Variants in SZRD1 observed in about 807,000 individuals in gnomAD.
The protein encoded by SZRD1 is SUZ RNA binding domain containing 1, also known as SUZ RNA-binding domain-containing.
SZRD1 carries 7 observed loss-of-function variants against 17.6 expected under a neutral mutation model. The observed-to-expected ratio is 0.40, with a 90% CI of 0.23 to 0.75. The LOEUF (loss-of-function observed/expected upper bound fraction) is 0.75, where lower values mean the gene tolerates loss of function less well. Ranked by LOEUF, SZRD1 falls within the 30% of genes least tolerant of loss-of-function variation. SZRD1 has a pLI of 0.38. For missense variants in SZRD1, 178 were observed against 201.8 expected, an observed-to-expected ratio of 0.88 and a Z score of 0.71; for synonymous variants, 77 against 77.9, an observed-to-expected ratio of 0.99 and a Z score of 0.06.
At chr1:16,369,302 G>A in intron 1 of SZRD1, 1 of 679,242 alleles carries the variant, frequency 1.5e-6, no homozygotes. Context: ...TTGGAGAAAG[G>A]CACCTCGGAT....
chr1:16,368,526 G>A (rs1273608937), intron 1 of SZRD1, among the ~76,000 whole-genome samples: 1 of 152,158 alleles, frequency 6.6e-6, no homozygotes, highest in Non-Finnish European at 1.5e-5. Context: ...GAATTTGAAG[G>A]ATTCGTTCGT....
chr1:16,374,401 C>G (rs2082964498), intron 1 of SZRD1, among the ~76,000 whole-genome samples: 1 of 152,188 alleles, frequency 6.6e-6, no homozygotes, highest in South Asian at 2.1e-4. Flanking sequence ...ATGAGCTTTT[C>G]ACTAGTAACT....
chr1:16,390,225 G>C (rs560956086), intron 1 of SZRD1, among the ~76,000 whole-genome samples: 1 of 152,224 alleles, frequency 6.6e-6, no homozygotes, highest in Non-Finnish European at 1.5e-5. Flanking sequence ...AGCAGCCTGG[G>C]GGTTTGGTCT....
chr1:16,374,994 C>T (rs960800377), intron 1 of SZRD1, among the ~76,000 whole-genome samples: 4 of 151,958 alleles, frequency 2.6e-5, no homozygotes, highest in Non-Finnish European at 5.9e-5. Context: ...TCTCCTGCCT[C>T]AGCCTCCCAA....
intron 1 of SZRD1, among the ~76,000 whole-genome samples, chr1:16,381,542 G>GCA: frequency 6.9e-6 from 1 of 144,084 alleles, no homozygotes; most frequent in Admixed American, 7.0e-5. Flanking sequence ...GGGCGACAGC[G>GCA]AGACTTCATC....
In SZRD1 at chr1:16,391,410, C is replaced by G; in HGVS notation, c.87C>G (p.Ile29Met). 7 of 1,549,100 alleles carry G rather than the reference C, an allele frequency of 4.5e-6. No individual in the cohort carries two copies. The highest frequency in any genetic ancestry group is 6.1e-6 in the Non-Finnish European group (7 of 1,146,476). ...IDRRLEKKLK[I>M]TQKESRKSKS... is the part of the protein sequence containing the mutation. ...GACGGTTGGAAAAAAAACTGAAGAT[C>G]ACACAAAAAGAGAGGTAAGGCTGCT... The change falls in exon 2 of 4, where the codon ATC (isoleucine) becomes ATG (methionine). Residue 29 changes from isoleucine (I) to methionine (M), a missense_variant. Around this residue, in one of 3 missense-constraint regions of SZRD1, gnomAD observed 117 missense variants for 108.7 expected, o/e 1.08. Coordinates refer to ENST00000401088, the MANE Select transcript of SZRD1 (RefSeq NM_001114600.3). This position sits in a 1 kb window ranked among gnomAD's most constrained non-coding sequence, Gnocchi z 4.3.
chr1:16,388,678 CTTTT>C (rs950662267), intron 1 of SZRD1, among the ~76,000 whole-genome samples: 2 of 92,162 alleles, frequency 2.2e-5, no homozygotes, highest in African/African-American at 4.4e-5. Flanking sequence ...AAGAATAAGT[CTTTT>C]TTTTTTTTTT....
rs2085333805 is a variant in SZRD1 at position 16,397,608 on chromosome 1, T to C, written c.*2468T>C. ...TTCCCCCAGCTCCTCCCTGACCCCA[T>C]GGGCCAGGCCTCAGACCTTCCAGCT... On this transcript the variant is annotated 3_prime_UTR_variant, in exon 4 of 4. Transcript: ENST00000401088. The surrounding 1 kb of genome is among the most constrained non-coding windows in gnomAD (Gnocchi z 5.4). 1.3e-5 allele frequency: 2 copies of C among 152,412 alleles called. No homozygotes were observed. The highest frequency in any genetic ancestry group is 1.3e-4 in the Admixed American group (2 of 15,280). The allele number at this position is 152,412 out of a possible 1,614,324, so 9.4% of individuals were successfully genotyped here.
intron 1 of SZRD1, among the ~76,000 whole-genome samples, chr1:16,383,474 C>T (rs1479523906): frequency 6.6e-6 from 1 of 151,978 alleles, no homozygotes; most frequent in Non-Finnish European, 1.5e-5. Flanking sequence ...CCTCTTTCAG[C>T]CTCCCAAAGT....
chr1:16,394,895 C>T, intron 3 of SZRD1, 143 bp from the exon 4 acceptor site: 1 of 607,452 alleles, frequency 1.6e-6, no homozygotes, highest in South Asian at 2.1e-5. Context: ...GTGGGGGTTG[C>T]AGTGAGCGGA....
At chr1:16,389,277 G>T (rs868477277) in intron 1 of SZRD1, among the ~76,000 whole-genome samples, 19 of 112,248 alleles carry the variant, frequency 1.7e-4, no homozygotes, top group Non-Finnish European at 3.0e-4. Flanking sequence ...GAGGGGGGGT[G>T]GGGGGGGGGC....
chr1:16,370,438 G>A (rs1410237089), intron 1 of SZRD1, among the ~76,000 whole-genome samples: 1 of 151,608 alleles, frequency 6.6e-6, no homozygotes, highest in Admixed American at 6.6e-5. Flanking sequence ...TGTTGGCCAC[G>A]CTGATCTCGA....
Position 16,395,388 on chromosome 1 carries a change from A to T in SZRD1, c.*248A>T. 1.1e-5 allele frequency: 5 copies of T among 467,220 alleles called. No homozygotes were observed. The highest frequency in any genetic ancestry group is 4.1e-5 in the East Asian group (1 of 24,394). The allele number at this position is 467,220 out of a possible 1,614,324, so 28.9% of individuals were successfully genotyped here. A position where few individuals can be genotyped will look rare whatever the true frequency, so the allele number is the denominator to read the frequency against. On this transcript the variant is annotated 3_prime_UTR_variant, in exon 4 of 4. Transcript: ENST00000401088. ...CTGTCCCAAGTCAATGGAAAGGGAA[A>T]GGGTGGGGGTTAGGGGAAGGTTGGG...
chr1:16,380,333 C>G (rs2083078299), intron 1 of SZRD1, among the ~76,000 whole-genome samples: 1 of 151,250 alleles, frequency 6.6e-6, no homozygotes, highest in Non-Finnish European at 1.5e-5. Flanking sequence ...GAGCTGGAGT[C>G]TCACCCTGTC....
chr1:16,376,602 TC>T (rs1378303905), intron 1 of SZRD1, among the ~76,000 whole-genome samples: 2 of 152,174 alleles, frequency 1.3e-5, no homozygotes, highest in East Asian at 3.9e-4. Context: ...GGTCAGGAGT[TC>T]CAGATCAGCC....
At chr1:16,389,981 G>A (rs977688539) in intron 1 of SZRD1, among the ~76,000 whole-genome samples, 1 of 152,192 alleles carries the variant, frequency 6.6e-6, no homozygotes, top group African/African-American at 2.4e-5. Context: ...GTACACTGTA[G>A]GACATTTAGC....
intron 1 of SZRD1, chr1:16,367,633 T>C (rs1057225355): frequency 1.2e-5 from 5 of 408,562 alleles, no homozygotes; most frequent in African/African-American, 1.0e-4. Flanking sequence ...CTCTTTCCGA[T>C]GAGCCTTGTG....
intron 1 of SZRD1, chr1:16,387,480 G>C: frequency 2.2e-6 from 1 of 455,034 alleles, no homozygotes; most frequent in South Asian, 1.6e-5. Context: ...TAAAAATACT[G>C]ATTTGGTTTC....
Position 16,393,872 on chromosome 1 carries a change from T to G in SZRD1, c.356+390T>G, listed in dbSNP as rs1020245126. 6.6e-6 allele frequency among the ~76,000 whole-genome samples: 1 copy of G among 152,188 alleles called. No homozygotes were observed. The highest frequency in any genetic ancestry group is 2.4e-5 in the African/African-American group (1 of 41,428). ...AAATGGGATAATAATAGTACCAACCTTATCAAGGTGTTGTGCAATTCAGTG... is the reference window on the plus strand; with the variant it reads ...AAATGGGATAATAATAGTACCAACCGTATCAAGGTGTTGTGCAATTCAGTG... On this transcript the variant is annotated intron_variant, in intron 3 of 3. Coordinates refer to ENST00000401088, the MANE Select transcript of SZRD1 (RefSeq NM_001114600.3). This position sits in a 1 kb window ranked among gnomAD's most constrained non-coding sequence, Gnocchi z 5.6.
Sources: allele counts gnomAD v4.1 joint callset (sites outside exome capture counted in the v4.1 genomes callset), GRCh38; gene constraint gnomAD v4.1.1; regional missense constraint gnomAD v4.1.1; non-coding constraint Gnocchi (gnomAD v3.1); transcripts MANE v1.5; gene names NCBI Gene and HGNC (gene_info 2026-07-23, HGNC 2026-07-21).